Variants in ADAM22 observed in about 807,000 individuals in gnomAD.
The protein encoded by ADAM22 is ADAM metallopeptidase domain 22, also known as disintegrin and metalloproteinase domain-containing protein 22.
In ADAM22, 65 loss-of-function variants were observed where a neutral mutation model predicts 144.6. That is an observed-to-expected ratio of 0.45 (90% confidence interval 0.37 to 0.55). The LOEUF (loss-of-function observed/expected upper bound fraction) is 0.55, where lower values mean the gene tolerates loss of function less well. Ranked by LOEUF, ADAM22 falls within the 20% of genes least tolerant of loss-of-function variation. The probability of loss-of-function intolerance (pLI) is 0.00; values close to 1 mark genes in which losing one functional copy is unlikely to be tolerated. For missense variants in ADAM22, 974 were observed against 1,184.9 expected, an observed-to-expected ratio of 0.82 and a Z score of 2.61; for synonymous variants, 391 against 412.6, an observed-to-expected ratio of 0.95 and a Z score of 0.63.
chr7:88,160,250 A>G, intron 22 of ADAM22, among the ~76,000 whole-genome samples: 1 of 152,228 alleles, frequency 6.6e-6, no homozygotes, highest in South Asian at 2.1e-4. Context: ...CAAAGAAATC[A>G]GAGATGCCAC....
chr7:88,004,139 C>A (rs1793244203), intron 3 of ADAM22, among the ~76,000 whole-genome samples: 1 of 152,198 alleles, frequency 6.6e-6, no homozygotes, highest in Non-Finnish European at 1.5e-5. Context: ...GCATTGCCTG[C>A]ACTAAGAGGC....
At chr7:88,151,214 G>A (rs1838260273) in intron 19 of ADAM22, 43 bp from the exon 20 acceptor site, 22 of 1,607,256 alleles carry the variant, frequency 1.4e-5, no homozygotes, top group South Asian at 7.7e-5. Flanking sequence ...TCTGACATAA[G>A]CAGATATTGC....
intron 4 of ADAM22, among the ~76,000 whole-genome samples, chr7:88,092,207 A>G (rs1820046238): frequency 6.6e-6 from 1 of 152,146 alleles, no homozygotes. Flanking sequence ...ACTAAGCTGA[A>G]ACATACCATT....
At chr7:88,114,946 C>T (rs778998355) in intron 6 of ADAM22, among the ~76,000 whole-genome samples, 1 of 152,072 alleles carries the variant, frequency 6.6e-6, no homozygotes, top group Non-Finnish European at 1.5e-5. Context: ...AAGTCAAAAC[C>T]ACAAGTGTTT....
intron 3 of ADAM22, among the ~76,000 whole-genome samples, chr7:88,044,017 A>G (rs1248027563): frequency 6.6e-6 from 1 of 152,232 alleles, no homozygotes; most frequent in African/African-American, 2.4e-5. Context: ...TCTCATTGCT[A>G]CAGTATGGCA....
intron 2 of ADAM22, among the ~76,000 whole-genome samples, chr7:87,968,913 G>T (rs1849774195): frequency 6.6e-6 from 1 of 152,124 alleles, no homozygotes; most frequent in African/African-American, 2.4e-5. Flanking sequence ...GGGGAAGCTG[G>T]CATGTCTTAC....
intron 3 of ADAM22, among the ~76,000 whole-genome samples, chr7:88,030,565 A>G (rs1424617564): frequency 6.6e-6 from 1 of 152,070 alleles, no homozygotes; most frequent in African/African-American, 2.4e-5. Context: ...TGGAGGTGGT[A>G]CATGGTGGGA....
At chr7:88,059,201 C>G (rs1247370009) in intron 3 of ADAM22, among the ~76,000 whole-genome samples, 1 of 152,148 alleles carries the variant, frequency 6.6e-6, no homozygotes, top group Non-Finnish European at 1.5e-5. Flanking sequence ...TAGGATCCTT[C>G]TAATGAAATT....
Position 87,935,112 on chromosome 7 carries a change from C to T in ADAM22, c.172C>T (p.Arg58Cys), listed in dbSNP as rs376568503. ...CATCGTGCCACTGCGCCTCATCTAC[C>T]GCTCGGGCGGCGAAGACGAAAGTCG... ...QSIVPLRLIY[R>C]SGGEDESRHD... Residue 58 changes from arginine to cysteine, a missense_variant, in exon 2 of 32, where the codon CGC becomes TGC. By Grantham distance (180) the Arg-to-Cys change is radical. This residue lies in a region of ADAM22 where 240 missense variants were observed against 234.3 expected (regional missense o/e 1.02). Transcript: ENST00000413139. The T allele has an allele frequency of 1.9e-6, 3 of 1,613,876 alleles. No homozygotes were observed. Among genetic ancestry groups the T allele is most frequent in the Middle Eastern group, 1.6e-4 (1 of 6,062 alleles).
At chr7:88,079,181 G>C (rs1815679320) in intron 4 of ADAM22, among the ~76,000 whole-genome samples, 1 of 152,114 alleles carries the variant, frequency 6.6e-6, no homozygotes, top group Non-Finnish European at 1.5e-5. Context: ...AAGAGAGTGG[G>C]GGCCAATATT....
chr7:88,049,769 T>A (rs1805716547), intron 3 of ADAM22, among the ~76,000 whole-genome samples: 1 of 152,214 alleles, frequency 6.6e-6, no homozygotes, highest in Non-Finnish European at 1.5e-5. Flanking sequence ...TTTACCTTGA[T>A]CATAAATTGA....
At chr7:88,018,124 G>GA (rs1796955751) in intron 3 of ADAM22, among the ~76,000 whole-genome samples, 1 of 152,068 alleles carries the variant, frequency 6.6e-6, no homozygotes, top group South Asian at 2.1e-4. Flanking sequence ...AAAATGACCT[G>GA]AAAAATCACA....
chr7:88,017,286 C>T (rs1026605117), intron 3 of ADAM22, among the ~76,000 whole-genome samples: 2 of 152,032 alleles, frequency 1.3e-5, no homozygotes, highest in Non-Finnish European at 2.9e-5. Flanking sequence ...ATGTTCCCAA[C>T]ACAAAGAAAT....
intron 3 of ADAM22, among the ~76,000 whole-genome samples, chr7:88,014,833 A>T (rs565235599): frequency 2.0e-4 from 30 of 152,312 alleles, no homozygotes; most frequent in African/African-American, 6.7e-4. Context: ...CCAAATGCTG[A>T]TCCTCAGATT....
intron 7 of ADAM22, among the ~76,000 whole-genome samples, chr7:88,120,362 G>A (rs1166777721): frequency 6.6e-6 from 1 of 150,696 alleles, no homozygotes; most frequent in East Asian, 2.0e-4. Context: ...GGTGTGTGAT[G>A]TTCCCCTTCC....
chr7:87,960,883 A>G (rs966431418), intron 2 of ADAM22, among the ~76,000 whole-genome samples: 2 of 152,194 alleles, frequency 1.3e-5, no homozygotes. Context: ...CTCCAAAAAC[A>G]TTTATTGAGG....
intron 4 of ADAM22, among the ~76,000 whole-genome samples, chr7:88,082,182 G>C (rs1464682392): frequency 6.6e-6 from 1 of 151,932 alleles, no homozygotes; most frequent in Admixed American, 6.6e-5. Flanking sequence ...AAATAACGCC[G>C]CATATCTACA....
chr7:87,971,960 G>A (rs1369649953), intron 2 of ADAM22, among the ~76,000 whole-genome samples: 1 of 152,232 alleles, frequency 6.6e-6, no homozygotes, highest in Non-Finnish European at 1.5e-5. Context: ...GGAGGCCAAG[G>A]CGGGTGGATC....
At chr7:87,975,323 G>T (rs563256855) in intron 2 of ADAM22, among the ~76,000 whole-genome samples, 1 of 152,122 alleles carries the variant, frequency 6.6e-6, no homozygotes, top group South Asian at 2.1e-4. Context: ...TCTACTATCA[G>T]ATAAACTCCA....
Sources: allele counts gnomAD v4.1 joint callset (sites outside exome capture counted in the v4.1 genomes callset), GRCh38; gene constraint gnomAD v4.1.1; regional missense constraint gnomAD v4.1.1; transcripts MANE v1.5; gene names NCBI Gene and HGNC (gene_info 2026-07-23, HGNC 2026-07-21).